GRIN2D: variants seen among roughly 807,000 people sequenced by gnomAD.
GRIN2D encodes glutamate receptor ionotropic, NMDA 2D.
A neutral mutation model predicts 103.2 loss-of-function variants in GRIN2D; 37 were observed. That is an observed-to-expected ratio of 0.36 (90% CI 0.28 to 0.47). The LOEUF (loss-of-function observed/expected upper bound fraction) is 0.47. Among genes scored for constraint, GRIN2D ranks in the 20% least tolerant of loss-of-function variants. GRIN2D has a pLI of 1.00. For missense variants in GRIN2D, 1,557 were observed against 1,910.6 expected (o/e 0.81, Z 3.45); for synonymous variants, 845 against 885.6 (o/e 0.95, Z 0.81).
chr19:48,400,131 C>T (rs1035566747), intron 3 of GRIN2D, among the ~76,000 whole-genome samples: 1 of 152,120 alleles, frequency 6.6e-6, no homozygotes, highest in East Asian at 1.9e-4. Context: ...TGGAGAAAGG[C>T]CTGACTCCCA....
Position 48,419,695 on chromosome 19 carries a change from A to G in GRIN2D, c.1972A>G (p.Met658Val). The G allele has an allele frequency of 6.2e-7, 1 of 1,613,238 alleles. No homozygotes were observed. The highest frequency in any genetic ancestry group is 8.5e-7 in the Non-Finnish European group (1 of 1,179,780). Residue 658 changes from methionine (M) to valine (V), a missense_variant, in exon 10 of 14, where the codon ATG (methionine) becomes GTG (valine). Transcript: ENST00000263269. ...ENPRGTTSKIMVLVWAFFAVI... is the reference protein window; with the variant it reads ...ENPRGTTSKIVVLVWAFFAVI... ...CCCCCGGGGAACCACCAGCAAAATC[A>G]TGGTGCTGGTGTGGGCCTTCTTCGC...
In GRIN2D at chr19:48,438,287, CTTTTTTTTTTT is replaced by C. The variant is rs71181697; in HGVS notation, c.2253-3463_2253-3453del. ...TCTCTTCAACTCAGCATCCAGCCGC[CTTTTTTTTTTT>C]TTTTTTTTTTTTTTTTTTGAGACGG... is the stretch of plus-strand genomic sequence containing the variant. On this transcript the variant is annotated intron_variant, in intron 11 of 13. Coordinates refer to ENST00000263269, the MANE Select transcript of GRIN2D (RefSeq NM_000836.4). Among the ~76,000 whole-genome samples the C allele has an allele frequency of 2.5e-3, 145 of 57,752 alleles. 1 individual carries two copies. Among genetic ancestry groups the C allele is most frequent in the Admixed American group, 9.6e-3 (34 of 3,544 alleles). 37.9% of individuals were successfully genotyped at this position (57,752 alleles called of 152,430 possible). A position where few individuals can be genotyped will look rare whatever the true frequency, so the allele number is the denominator to read the frequency against.
Position 48,443,739 on chromosome 19 carries a change from G to T in GRIN2D, c.3813G>T (p.Ser1271=), listed in dbSNP as rs963012932. The change falls in exon 14 of 14, where the codon TCG becomes TCT. Residue 1271 remains serine (S), a synonymous_variant. Transcript: ENST00000263269. This position sits in a 1 kb window ranked among gnomAD's most constrained non-coding sequence, Gnocchi z 8.9. ...DLPPPAPTSR[S]LEDLSSCPRA... ...CGCCGCCCGCGCCCACCTCGCGCTC[G>T]CTCGAGGACCTCAGCTCGTGCCCTC... is the stretch of plus-strand genomic sequence containing the variant. The T allele has an allele frequency of 4.1e-5, 56 of 1,363,392 alleles. No individual in the cohort carries two copies. The highest frequency in any genetic ancestry group is 6.7e-5 in the Admixed American group (2 of 29,764). The allele number at this position is 1,363,392 out of a possible 1,614,324, so 84.5% of individuals were successfully genotyped here.
chr19:48,438,248 A>C (rs889138630), intron 11 of GRIN2D, among the ~76,000 whole-genome samples: 12 of 144,442 alleles, frequency 8.3e-5, no homozygotes, highest in Non-Finnish European at 1.8e-4. Context: ...TCTTCTCTGG[A>C]AGATCCTTTG....
intron 11 of GRIN2D, among the ~76,000 whole-genome samples, chr19:48,428,920 C>T (rs1434041091): frequency 6.6e-6 from 1 of 152,158 alleles, no homozygotes; most frequent in Non-Finnish European, 1.5e-5. Flanking sequence ...AGTGGCAGAA[C>T]TAGGACTGGA....
intron 7 of GRIN2D, 76 bp downstream of exon 7, chr19:48,415,108 C>A (rs1970928328): frequency 6.0e-6 from 8 of 1,322,608 alleles, no homozygotes; most frequent in Admixed American, 2.2e-5. Flanking sequence ...TGGTGGCTCA[C>A]GCCTGTAATC....
intron 11 of GRIN2D, among the ~76,000 whole-genome samples, chr19:48,437,310 A>T (rs535935528): frequency 6.6e-6 from 1 of 152,154 alleles, no homozygotes; most frequent in Non-Finnish European, 1.5e-5. Flanking sequence ...TTGTAGAGAC[A>T]GGTCTCCCTT....
rs544966420 is a variant in GRIN2D at position 48,441,378 on chromosome 19, A to G, written c.2253-391A>G. Among the ~76,000 whole-genome samples the G allele has an allele frequency of 3.5e-4, 53 of 151,294 alleles. No homozygotes were observed. In the South Asian group the frequency reaches 4.2e-3, roughly 12 times the overall value. ...ACTCTGTCTCAAAAAAAAAAAAAAA[A>G]AAAAAAAGAAAGAAAAAGTCACAGT... On this transcript the variant is annotated intron_variant, in intron 11 of 13. Coordinates refer to ENST00000263269, the MANE Select transcript of GRIN2D (RefSeq NM_000836.4).
chr19:48,440,057 C>T (rs1971273433), intron 11 of GRIN2D, among the ~76,000 whole-genome samples: 1 of 152,024 alleles, frequency 6.6e-6, no homozygotes, highest in Admixed American at 6.6e-5. Flanking sequence ...ACTAAAAATA[C>T]AAAATTAGCC....
At chr19:48,430,821 C>CTTTTT (rs557084994) in intron 11 of GRIN2D, among the ~76,000 whole-genome samples, 2 of 128,922 alleles carry the variant, frequency 1.6e-5, no homozygotes, top group African/African-American at 3.1e-5. Context: ...TTTCTTTTTT[C>CTTTTT]TTTTTTTTTT....
intron 8 of GRIN2D, among the ~76,000 whole-genome samples, chr19:48,417,888 C>T (rs577027269): frequency 6.6e-4 from 100 of 152,038 alleles, no homozygotes; most frequent in Non-Finnish European, 1.3e-3. Flanking sequence ...TGGTGAGCTC[C>T]CAGGGGCTAA....
chr19:48,420,134 T>A (rs1971002468), intron 10 of GRIN2D, among the ~76,000 whole-genome samples: 1 of 152,078 alleles, frequency 6.6e-6, no homozygotes, highest in Non-Finnish European at 1.5e-5. Context: ...GGATTAATTT[T>A]TGAAACTTCT....
chr19:48,443,092 CCGGCGCCCGCG>C lies in GRIN2D; in HGVS notation c.3170_3180del (p.Ala1057ValfsTer271). On this transcript the variant is annotated frameshift_variant, in exon 14 of 14. Coordinates refer to ENST00000263269, the MANE Select transcript of GRIN2D (RefSeq NM_000836.4). LOFTEE classifies it high-confidence loss of function. The surrounding 1 kb of genome is among the most constrained non-coding windows in gnomAD (Gnocchi z 8.9). ...CTTGGCCTTCGAGGACGAGAGCCCG[CCGGCGCCCGCG>C]CGGTGGCCGCGCTCGGACCCCGAGA... 2 of 1,027,436 alleles carry C rather than the reference CCGGCGCCCGCG, an allele frequency of 1.9e-6. No homozygotes were observed. Among genetic ancestry groups the C allele is most frequent in the Non-Finnish European group, 2.3e-6 (2 of 855,210 alleles). The allele number at this position is 1,027,436 out of a possible 1,614,324, so 63.6% of individuals were successfully genotyped here. A position where few individuals can be genotyped will look rare whatever the true frequency, so the allele number is the denominator to read the frequency against.
chr19:48,394,454 G>C lies in GRIN2D; in HGVS notation c.-305-204G>C, dbSNP rs1234872233. 2.0e-5 allele frequency among the ~76,000 whole-genome samples: 3 copies of C among 150,082 alleles called. No individual in the cohort carries two copies. Among genetic ancestry groups the C allele is most frequent in the Admixed American group, 6.6e-5 (1 of 15,114 alleles). ...GACAGATAGACACAGACGCTGGAAG[G>C]GGGGGTGGGGGGGCTGAGGGCACAA... On this transcript the variant is annotated intron_variant, in intron 1 of 13. Coordinates refer to ENST00000263269, the MANE Select transcript of GRIN2D (RefSeq NM_000836.4). This position sits in a 1 kb window ranked among gnomAD's most constrained non-coding sequence, Gnocchi z 5.1.
chr19:48,430,479 G>A (rs1432260138), intron 11 of GRIN2D, among the ~76,000 whole-genome samples: 2 of 151,244 alleles, frequency 1.3e-5, no homozygotes, highest in Admixed American at 6.6e-5. Flanking sequence ...GATTACAGGC[G>A]GGAGCCATAG....
At chr19:48,433,235 G>GGA (rs1569070993) in intron 11 of GRIN2D, among the ~76,000 whole-genome samples, 1 of 151,626 alleles carries the variant, frequency 6.6e-6, no homozygotes, top group Non-Finnish European at 1.5e-5. Flanking sequence ...GGGCATGATG[G>GGA]TGGGCGCCTG....
chr19:48,423,045 T>C (rs1432086323), intron 11 of GRIN2D, among the ~76,000 whole-genome samples: 1 of 152,100 alleles, frequency 6.6e-6, no homozygotes, highest in Admixed American at 6.6e-5. Context: ...ACCTTGTCTC[T>C]ACTTAAAATA....
intron 11 of GRIN2D, among the ~76,000 whole-genome samples, chr19:48,432,222 CTTTT>C (rs1006061692): frequency 1.5e-5 from 2 of 137,742 alleles, no homozygotes; most frequent in Non-Finnish European, 3.1e-5. Context: ...CTTTTTCTTT[CTTTT>C]TTTTTTTTTT....
intron 11 of GRIN2D, among the ~76,000 whole-genome samples, chr19:48,427,166 C>A (rs992982666): frequency 1.3e-5 from 2 of 151,814 alleles, no homozygotes; most frequent in African/African-American, 4.8e-5. Context: ...CAAAAAAATA[C>A]AAAAATTAGC....
Sources: allele counts gnomAD v4.1 joint callset (sites outside exome capture counted in the v4.1 genomes callset), GRCh38; gene constraint gnomAD v4.1.1; non-coding constraint Gnocchi (gnomAD v3.1); transcripts MANE v1.5; gene names NCBI Gene and HGNC (gene_info 2026-07-23, HGNC 2026-07-21).